CLVS1: variants seen among roughly 807,000 people sequenced by gnomAD.
CLVS1 encodes the protein clavesin 1, also known as clavesin-1.
In CLVS1, 10 loss-of-function variants were observed where a neutral mutation model predicts 33.1. That is an observed-to-expected ratio of 0.30 (90% CI 0.19 to 0.51). CLVS1 has a LOEUF of 0.51. Ranked by LOEUF, CLVS1 falls within the 20% of genes least tolerant of loss-of-function variation. The pLI, the probability that CLVS1 is intolerant of heterozygous loss-of-function variation, is 0.97. For missense variants in CLVS1, 343 were observed against 433.4 expected, an observed-to-expected ratio of 0.79 and a Z score of 1.85; for synonymous variants, 163 against 166.1, an observed-to-expected ratio of 0.98 and a Z score of 0.14.
At chr8:61,000,709 T>C in the CLVS1 span, among the ~76,000 whole-genome samples, 2 of 152,192 alleles carry the variant, frequency 1.3e-5, no homozygotes, top group African/African-American at 4.8e-5. Flanking sequence ...TAACAAACCT[T>C]GTGGGGTTTT....
chr8:61,155,167 C>T lies in CLVS1; in HGVS notation c.-152+23307C>T, dbSNP rs142253035. ...TGAAGGATAAGTGCGTATTGTGGGT[C>T]GTGAGTGTGTTGGGTGTCATATATT... On this transcript the variant is annotated intron_variant, in intron 2 of 2. Coordinates refer to the CLVS1 transcript ENST00000522621. Among the ~76,000 whole-genome samples the T allele has an allele frequency of 7.9e-5, 12 of 152,232 alleles. 1 individual carries two copies. The highest frequency in any genetic ancestry group is 1.3e-4 in the Admixed American group (2 of 15,300).
At chr8:61,168,216 T>C (rs1248912184) in intron 2 of CLVS1, among the ~76,000 whole-genome samples, 1 of 152,170 alleles carries the variant, frequency 6.6e-6, no homozygotes, top group African/African-American at 2.4e-5. Flanking sequence ...CTAGCCCTCT[T>C]TTTGGGGTCT....
At chr8:61,129,516 C>T (rs1806045733) in intron 1 of CLVS1, among the ~76,000 whole-genome samples, 2 of 152,284 alleles carry the variant, frequency 1.3e-5, no homozygotes, top group Middle Eastern at 3.4e-3. Context: ...TAACTAACTG[C>T]TATAGTCTAG....
chr8:61,305,885 A>G (rs1432653695), intron 2 of CLVS1, among the ~76,000 whole-genome samples: 1 of 152,218 alleles, frequency 6.6e-6, no homozygotes, highest in Non-Finnish European at 1.5e-5. Context: ...AAAGGACATT[A>G]TCTCACTCTT....
At chr8:61,168,946 C>A (rs562065549) in intron 2 of CLVS1, among the ~76,000 whole-genome samples, 1 of 152,342 alleles carries the variant, frequency 6.6e-6, no homozygotes, top group South Asian at 2.1e-4. Context: ...TTTTAATTTT[C>A]TTTTGCTTCC....
chr8:61,176,033 G>A (rs1221202171), intron 2 of CLVS1, among the ~76,000 whole-genome samples: 1 of 152,296 alleles, frequency 6.6e-6, no homozygotes, highest in Middle Eastern at 3.4e-3. Flanking sequence ...GAGACATATA[G>A]TTCCTTTACA....
intron 2 of CLVS1, among the ~76,000 whole-genome samples, chr8:61,204,869 A>G (rs1563444165): frequency 6.6e-6 from 1 of 152,214 alleles, no homozygotes; most frequent in African/African-American, 2.4e-5. Context: ...CAAAATTGGA[A>G]TAGTTTGTGG....
chr8:61,316,578 A>G (rs1180086193), intron 2 of CLVS1, among the ~76,000 whole-genome samples: 1 of 152,250 alleles, frequency 6.6e-6, no homozygotes, highest in African/African-American at 2.4e-5. Context: ...TTGTAAGACT[A>G]AGCATTCTCA....
chr8:61,387,352 A>G (rs1814124087), intron 3 of CLVS1, among the ~76,000 whole-genome samples: 1 of 151,904 alleles, frequency 6.6e-6, no homozygotes, highest in Admixed American at 6.6e-5. Context: ...ATGCCACTGC[A>G]CTCCAGGCTG....
intron 2 of CLVS1, among the ~76,000 whole-genome samples, chr8:61,187,460 G>A (rs865843064): frequency 1.3e-5 from 2 of 152,146 alleles, no homozygotes; most frequent in Middle Eastern, 3.4e-3. Flanking sequence ...CATTTAATGT[G>A]ATAATAAAAG....
chr8:61,311,750 A>G (rs1194469995), intron 2 of CLVS1, among the ~76,000 whole-genome samples: 2 of 152,216 alleles, frequency 1.3e-5, no homozygotes, highest in Non-Finnish European at 2.9e-5. Flanking sequence ...TAGCTCATAG[A>G]TAAAAAAGTC....
chr8:61,329,674 A>C (rs747213395), intron 2 of CLVS1, among the ~76,000 whole-genome samples: 7 of 152,204 alleles, frequency 4.6e-5, no homozygotes, highest in Non-Finnish European at 1.0e-4. Flanking sequence ...TAGTTAAATC[A>C]CAATTTGAAG....
In CLVS1 at chr8:61,059,499, T is replaced by TATATATATATATATATATAC. The variant is rs1265187479; in HGVS notation, c.-243+2270_-243+2271insTATATATATATATATATACA. Among the ~76,000 whole-genome samples the TATATATATATATATATATAC allele has an allele frequency of 8.7e-3, 833 of 95,806 alleles. 11 individuals carry two copies. Among genetic ancestry groups the TATATATATATATATATATAC allele is most frequent in the African/African-American group, 0.019 (473 of 24,618 alleles). The allele number at this position is 95,806 out of a possible 152,430, so 62.9% of individuals were successfully genotyped here. A position where few individuals can be genotyped will look rare whatever the true frequency, so the allele number is the denominator to read the frequency against. On this transcript the variant is annotated intron_variant, in intron 1 of 2. Transcript: ENST00000522621. ...ACATATATATATATATATATATATA[T>TATATATATATATATATATAC]ACACATATCTTGAAAATAGCACGAG... is the stretch of plus-strand genomic sequence containing the variant.
intron 2 of CLVS1, among the ~76,000 whole-genome samples, chr8:61,274,553 T>C (rs1219272483): frequency 6.6e-6 from 1 of 152,200 alleles, no homozygotes; most frequent in African/African-American, 2.4e-5. Flanking sequence ...TTGTACCTTA[T>C]GTCTCTAAAC....
chr8:61,003,011 C>A, the CLVS1 span, among the ~76,000 whole-genome samples: 15 of 152,168 alleles, frequency 9.9e-5, no homozygotes, highest in Non-Finnish European at 1.3e-4. Context: ...ATATGCTGTC[C>A]TCTTCCCTTG....
intron 1 of CLVS1, among the ~76,000 whole-genome samples, chr8:61,121,116 G>T (rs953202035): frequency 1.3e-5 from 2 of 151,912 alleles, no homozygotes; most frequent in African/African-American, 2.4e-5. Context: ...GCAGTATTCG[G>T]GTGGGAGTGA....
At chr8:61,475,274 T>C (rs1025339402) in intron 5 of CLVS1, among the ~76,000 whole-genome samples, 6 of 152,246 alleles carry the variant, frequency 3.9e-5, no homozygotes, top group African/African-American at 1.2e-4. Flanking sequence ...CATGTGTCTT[T>C]ATAGCAGCAT....
intron 1 of CLVS1, among the ~76,000 whole-genome samples, chr8:61,106,032 C>T (rs1224103231): frequency 6.6e-6 from 1 of 152,230 alleles, no homozygotes; most frequent in East Asian, 1.9e-4. Flanking sequence ...CTGTGTACTA[C>T]AGCATGTTTC....
chr8:61,134,462 C>T (rs1806155775), intron 2 of CLVS1, among the ~76,000 whole-genome samples: 1 of 152,198 alleles, frequency 6.6e-6, no homozygotes, highest in South Asian at 2.1e-4. Context: ...AAAAGAATAT[C>T]TCATGTCATG....
Sources: allele counts gnomAD v4.1 joint callset (sites outside exome capture counted in the v4.1 genomes callset), GRCh38; gene constraint gnomAD v4.1.1; transcripts MANE v1.5; gene names NCBI Gene and HGNC (gene_info 2026-07-23, HGNC 2026-07-21).